SYNPO2: variants seen among roughly 807,000 people sequenced by gnomAD.
SYNPO2 encodes synaptopodin-2.
Under a neutral mutation model 85.0 loss-of-function variants are expected in SYNPO2, and 56 were observed. That is an observed-to-expected ratio of 0.66 (90% CI 0.53 to 0.82). The LOEUF is 0.82. Among genes scored for constraint, SYNPO2 ranks in the 40% least tolerant of loss-of-function variants. SYNPO2 has a pLI of 0.00. For missense variants in SYNPO2, 1,575 were observed against 1,534.2 expected, an observed-to-expected ratio of 1.03 and a Z score of -0.44; for synonymous variants, 602 against 591.1, an observed-to-expected ratio of 1.02 and a Z score of -0.27.
At chr4:118,924,608 C>T (rs919183356) in intron 1 of SYNPO2, among the ~76,000 whole-genome samples, 13 of 152,190 alleles carry the variant, frequency 8.5e-5, no homozygotes, top group African/African-American at 2.4e-4. Context: ...AGACACTTGA[C>T]AGGCACTTGG....
At chr4:118,890,349 A>G (rs771662796) in intron 1 of SYNPO2, among the ~76,000 whole-genome samples, 13 of 152,148 alleles carry the variant, frequency 8.5e-5, no homozygotes, top group Admixed American at 2.6e-4. Flanking sequence ...TTATTACTGG[A>G]AAGTTCCTCC....
rs79181759 is a variant in SYNPO2 at position 118,938,196 on chromosome 4, G to T, written c.105+49055G>T. On this transcript the variant is annotated intron_variant, in intron 1 of 4. Transcript: ENST00000307142. ...CTGTATAGCCGGGTGGCAGGAGTCTGCAGTCCCGGCTATTTGGGAGGCTGA... is the reference window on the plus strand; with the variant it reads ...CTGTATAGCCGGGTGGCAGGAGTCTTCAGTCCCGGCTATTTGGGAGGCTGA... Among the ~76,000 whole-genome samples the T allele has an allele frequency of 2.6e-3, 403 of 152,190 alleles. 7 individuals carry two copies. In the East Asian group the frequency reaches 0.049, roughly 19 times the overall value.
At chr4:118,989,996 G>A (rs902574364) in intron 1 of SYNPO2, among the ~76,000 whole-genome samples, 1 of 152,176 alleles carries the variant, frequency 6.6e-6, no homozygotes, top group Non-Finnish European at 1.5e-5. Context: ...TGCCCCTAAA[G>A]GTGAGACATA....
rs200026031 is a variant in SYNPO2, at chr4:118,900,741, GTCTATCTATCTA to G, written c.105+11634_105+11645del. On this transcript the variant is annotated intron_variant, in intron 1 of 4. Transcript: ENST00000307142. ...TATATATATATATATATGTCTGTCT[GTCTATCTATCTA>G]TCTATCTATCTATCTATCTATCTAT... Among the ~76,000 whole-genome samples the G allele has an allele frequency of 7.1e-3, 611 of 86,294 alleles. 4 individuals carry two copies. Among genetic ancestry groups the G allele is most frequent in the African/African-American group, 0.021 (508 of 24,206 alleles). The allele number at this position is 86,294 out of a possible 152,430, so 56.6% of individuals were successfully genotyped here.
chr4:118,851,567 G>A (rs114735834), intron 1 of SYNPO2, among the ~76,000 whole-genome samples: 6,300 of 152,064 alleles, frequency 0.041, 199 homozygotes, highest in Non-Finnish European at 0.064. Flanking sequence ...TATAGCTATC[G>A]ATATTATGGA....
chr4:119,002,000 G>A (rs1736839791), intron 1 of SYNPO2, among the ~76,000 whole-genome samples: 2 of 152,268 alleles, frequency 1.3e-5, no homozygotes, highest in Admixed American at 1.3e-4. Context: ...AAGCTCATAT[G>A]ATTACCTAGT....
intron 1 of SYNPO2, among the ~76,000 whole-genome samples, chr4:118,875,302 T>G (rs2110574992): frequency 6.6e-6 from 1 of 152,354 alleles, no homozygotes; most frequent in African/African-American, 2.4e-5. Flanking sequence ...TATTAACCAT[T>G]TGACATACTT....
At chr4:118,932,858 C>T (rs1481654312) in intron 1 of SYNPO2, among the ~76,000 whole-genome samples, 3 of 152,150 alleles carry the variant, frequency 2.0e-5, no homozygotes, top group African/African-American at 7.2e-5. Flanking sequence ...GTGGTCCCTA[C>T]AACAAAATTT....
rs776921681 is a variant in SYNPO2, at chr4:119,027,022, T to C, written c.653T>C (p.Leu218Pro). 2 of 1,614,106 alleles carry C rather than the reference T, an allele frequency of 1.2e-6. No homozygotes were observed. The highest frequency in any genetic ancestry group is 1.7e-6 in the Non-Finnish European group (2 of 1,180,012). ...HKGASGPLVA[L>P]PGAEKSKSPD... ...GGCGCTAGTGGCCCTTTAGTGGCTCTCCCGGGAGCTGAAAAATCTAAGTCT... is the reference window on the plus strand; with the variant it reads ...GGCGCTAGTGGCCCTTTAGTGGCTCCCCCGGGAGCTGAAAAATCTAAGTCT... The change falls in exon 3 of 5, where the codon CTC becomes CCC. Residue 218 changes from leucine (L) to proline (P), a missense_variant. Physicochemically the swap from Leu to Pro is moderately conservative, Grantham distance 98. Coordinates refer to ENST00000307142, the MANE Select transcript of SYNPO2 (RefSeq NM_133477.3).
At chr4:118,949,838 C>T (rs1188277088) in intron 1 of SYNPO2, among the ~76,000 whole-genome samples, 1 of 152,054 alleles carries the variant, frequency 6.6e-6, no homozygotes, top group East Asian at 1.9e-4. Context: ...TCAAGTCGAT[C>T]GTCATTACCC....
chr4:118,881,834 T>G (rs111762942), intron 1 of SYNPO2, among the ~76,000 whole-genome samples: 1 of 152,318 alleles, frequency 6.6e-6, no homozygotes, highest in Admixed American at 6.5e-5. Flanking sequence ...TCAGATGGCT[T>G]TTCATGGAGG....
intron 1 of SYNPO2, among the ~76,000 whole-genome samples, chr4:119,000,409 C>T (rs1736781256): frequency 6.6e-6 from 1 of 152,108 alleles, no homozygotes; most frequent in Non-Finnish European, 1.5e-5. Flanking sequence ...AGCCCGCCTC[C>T]CTTTGATATG....
intron 1 of SYNPO2, among the ~76,000 whole-genome samples, chr4:118,972,994 C>T (rs1323603377): frequency 6.6e-6 from 1 of 152,182 alleles, no homozygotes; most frequent in African/African-American, 2.4e-5. Flanking sequence ...TATAACTCAA[C>T]TTATGATGTT....
intron 1 of SYNPO2, among the ~76,000 whole-genome samples, chr4:118,988,071 T>C (rs546496465): frequency 6.6e-6 from 1 of 152,342 alleles, no homozygotes; most frequent in Admixed American, 6.5e-5. Context: ...ATGTTTTTGC[T>C]AATCTGCACA....
Position 119,057,568 on chromosome 4 carries a change from CG to C in SYNPO2, c.3422del (p.Gly1141ValfsTer2). On this transcript the variant is annotated frameshift_variant, in exon 5 of 5. Coordinates refer to ENST00000307142, the MANE Select transcript of SYNPO2 (RefSeq NM_133477.3). LOFTEE classifies it low-confidence loss of function (END_TRUNC). ...PWEAAAKSPL[G>X]LVDDAFQPRN... ...GGGAAGCAGCAGCAAAGTCTCCTCT[CG>C]GTCTAGTGGATGATGCTTTCCAACC... The C allele has an allele frequency of 1.2e-6, 2 of 1,614,062 alleles. No homozygotes were observed. The highest frequency in any genetic ancestry group is 2.2e-5 in the South Asian group (2 of 91,068).
intron 1 of SYNPO2, among the ~76,000 whole-genome samples, chr4:118,999,165 C>T (rs970233920): frequency 1.3e-5 from 2 of 151,872 alleles, no homozygotes; most frequent in Admixed American, 1.3e-4. Flanking sequence ...TTTTGTTTTT[C>T]GAGACAGGGT....
chr4:119,023,017 C>G (rs1270967878), intron 1 of SYNPO2, among the ~76,000 whole-genome samples: 1 of 151,902 alleles, frequency 6.6e-6, no homozygotes, highest in African/African-American at 2.4e-5. Context: ...ACCTCGTGAT[C>G]CACCCGCCTT....
chr4:119,057,537 C>T lies in SYNPO2; in HGVS notation c.3389C>T (p.Thr1130Ile), dbSNP rs759573444. The T allele has an allele frequency of 2.5e-6, 4 of 1,614,128 alleles. No homozygotes were observed. Among genetic ancestry groups the T allele is most frequent in the Non-Finnish European group, 3.4e-6 (4 of 1,180,042 alleles). The part of the protein sequence containing the change: ...DGLEKANKRP[T>I]PWEAAAKSPL... ...CTAGAGAAAGCAAACAAGAGACCAA[C>T]TCCTTGGGAAGCAGCAGCAAAGTCT... Residue 1130 changes from threonine to isoleucine, a missense_variant, in exon 5 of 5, where the codon ACT becomes ATT. This residue lies in a region of SYNPO2 where 1,508 missense variants were observed against 1,446.8 expected (regional missense o/e 1.04). Transcript: ENST00000307142.
At chr4:118,862,789 T>TTTTC (rs530002079) in intron 1 of SYNPO2, among the ~76,000 whole-genome samples, 23 of 152,178 alleles carry the variant, frequency 1.5e-4, no homozygotes, top group Admixed American at 3.3e-4. Flanking sequence ...TGTAGTTTTC[T>TTTTC]TTTCTTTCTT....
Sources: gnomAD v4.1 joint callset for allele counts (sites outside exome capture counted in the v4.1 genomes callset) on GRCh38, gnomAD v4.1.1 for gene constraint, gnomAD v4.1.1 regional missense constraint, MANE v1.5 for transcripts, NCBI Gene and HGNC (gene_info 2026-07-23, HGNC 2026-07-21) for gene names.